ATRNL1: variants seen among roughly 807,000 people sequenced by gnomAD.
The protein encoded by ATRNL1 is attractin-like protein 1.
ATRNL1 carries 95 observed loss-of-function variants against 182.7 expected under a neutral mutation model. The ratio of observed to expected loss-of-function variants is 0.52; its 90% CI spans 0.44 to 0.62. The LOEUF (loss-of-function observed/expected upper bound fraction) is 0.62. Ranked by LOEUF, ATRNL1 falls within the 20% of genes least tolerant of loss-of-function variation. ATRNL1 has a pLI of 0.00. For missense variants in ATRNL1, 1,471 were observed against 1,679.5 expected (o/e 0.88, Z 2.17); for synonymous variants, 576 against 568.3 (o/e 1.01, Z -0.19).
chr10:115,850,613 T>A (rs544571075), intron 28 of ATRNL1, among the ~76,000 whole-genome samples: 6 of 152,316 alleles, frequency 3.9e-5, no homozygotes, highest in African/African-American at 1.2e-4. Context: ...AAAGTCCTTA[T>A]ATATGCCTGT....
At chr10:115,376,855 T>C (rs1857701631) in intron 19 of ATRNL1, among the ~76,000 whole-genome samples, 1 of 152,200 alleles carries the variant, frequency 6.6e-6, no homozygotes, top group African/African-American at 2.4e-5. Flanking sequence ...CATATGTTTT[T>C]ATGTTTGATG....
At chr10:115,475,018 C>T (rs920633934) in intron 24 of ATRNL1, among the ~76,000 whole-genome samples, 1 of 151,274 alleles carries the variant, frequency 6.6e-6, no homozygotes, top group Non-Finnish European at 1.5e-5. Context: ...AACAACACCA[C>T]CAAAATCACT....
At chr10:115,403,882 G>A (rs1844699912) in intron 20 of ATRNL1, among the ~76,000 whole-genome samples, 1 of 152,174 alleles carries the variant, frequency 6.6e-6, no homozygotes, top group South Asian at 2.1e-4. Context: ...AGATACTTGA[G>A]GAACTCTTAT....
intron 26 of ATRNL1, among the ~76,000 whole-genome samples, chr10:115,665,158 G>C (rs1860928873): frequency 6.6e-6 from 1 of 152,102 alleles, no homozygotes; most frequent in Non-Finnish European, 1.5e-5. Flanking sequence ...TAAAATAAAA[G>C]TAATCAAGAA....
chr10:115,145,936 A>G (rs1443304864), intron 5 of ATRNL1, among the ~76,000 whole-genome samples: 2 of 152,062 alleles, frequency 1.3e-5, no homozygotes, highest in African/African-American at 2.4e-5. Context: ...GAATTTCTAC[A>G]TATTTTTTCA....
intron 2 of ATRNL1, 25 bp downstream of exon 2, chr10:115,120,293 T>C: frequency 8.5e-7 from 1 of 1,174,614 alleles, no homozygotes; most frequent in Non-Finnish European, 1.2e-6. Context: ...TGAGTCAAAT[T>C]AATGTATTTT....
At chr10:115,825,851 A>G (rs1357853856) in intron 27 of ATRNL1, among the ~76,000 whole-genome samples, 4 of 152,154 alleles carry the variant, frequency 2.6e-5, no homozygotes, top group Non-Finnish European at 4.4e-5. Flanking sequence ...TAGCCTATGT[A>G]TCGTTGCATT....
chr10:115,293,414 C>G (rs1592393258), intron 15 of ATRNL1, among the ~76,000 whole-genome samples: 1 of 152,044 alleles, frequency 6.6e-6, no homozygotes, highest in African/African-American at 2.4e-5. Context: ...GGTTTTCATA[C>G]ATCTTTTCTT....
chr10:115,759,574 G>A (rs529846979), intron 27 of ATRNL1, among the ~76,000 whole-genome samples: 1 of 13,488 alleles, frequency 7.4e-5, no homozygotes, highest in Non-Finnish European at 7.9e-3. Context: ...GTAGAGCAAA[G>A]TTTTAATTAG....
intron 20 of ATRNL1, among the ~76,000 whole-genome samples, chr10:115,419,340 C>T (rs1487364952): frequency 1.3e-5 from 2 of 151,966 alleles, no homozygotes; most frequent in African/African-American, 4.8e-5. Flanking sequence ...CACATAACCA[C>T]AAAGGAAGCC....
chr10:115,250,650 C>G (rs1284381535), intron 10 of ATRNL1, among the ~76,000 whole-genome samples: 2 of 152,150 alleles, frequency 1.3e-5, no homozygotes, highest in Non-Finnish European at 2.9e-5. Flanking sequence ...TTGCTTTCTT[C>G]TTTGTAATGG....
intron 26 of ATRNL1, among the ~76,000 whole-genome samples, chr10:115,633,469 A>G (rs556675393): frequency 5.9e-5 from 9 of 152,316 alleles, no homozygotes; most frequent in African/African-American, 1.2e-4. Context: ...ATTTTCTTCT[A>G]TAAGAATTTA....
intron 5 of ATRNL1, among the ~76,000 whole-genome samples, chr10:115,138,358 C>A (rs1592152914): frequency 6.6e-6 from 1 of 152,358 alleles, no homozygotes; most frequent in East Asian, 1.9e-4. Context: ...GGGGGTCCAA[C>A]CCTACGTTTC....
chr10:115,356,199 A>G (rs1282543332), intron 19 of ATRNL1, among the ~76,000 whole-genome samples: 2 of 152,082 alleles, frequency 1.3e-5, no homozygotes, highest in Non-Finnish European at 2.9e-5. Context: ...AGAAGCAGAA[A>G]ATTTATTACC....
At chr10:115,915,345 C>T (rs988019877) in intron 28 of ATRNL1, among the ~76,000 whole-genome samples, 13 of 151,502 alleles carry the variant, frequency 8.6e-5, no homozygotes, top group Admixed American at 2.0e-4. Flanking sequence ...TTGCAGTGAG[C>T]GGAGATCGCG....
intron 26 of ATRNL1, among the ~76,000 whole-genome samples, chr10:115,689,631 G>A: frequency 6.6e-6 from 1 of 152,102 alleles, no homozygotes; most frequent in East Asian, 1.9e-4. Context: ...CCTCTAGGTG[G>A]CTGCTTGCTT....
At chr10:115,452,363 CTT>C (rs1289634568) in intron 21 of ATRNL1, among the ~76,000 whole-genome samples, 4 of 151,978 alleles carry the variant, frequency 2.6e-5, no homozygotes, top group Admixed American at 6.6e-5. Flanking sequence ...CAGATGCTCT[CTT>C]GTATTTTTGA....
intron 27 of ATRNL1, among the ~76,000 whole-genome samples, chr10:115,787,920 T>C (rs1362017519): frequency 6.6e-6 from 1 of 152,206 alleles, no homozygotes; most frequent in African/African-American, 2.4e-5. Flanking sequence ...GGCAATATGA[T>C]AGTAGATGCA....
At chr10:115,545,260 A>C (rs1852588381) in intron 25 of ATRNL1, among the ~76,000 whole-genome samples, 1 of 150,858 alleles carries the variant, frequency 6.6e-6, no homozygotes, top group Non-Finnish European at 1.5e-5. Context: ...AAAAAAAAGA[A>C]AAATCATTTA....
Sources: gnomAD v4.1 joint callset for allele counts (sites outside exome capture counted in the v4.1 genomes callset) on GRCh38, gnomAD v4.1.1 for gene constraint, MANE v1.5 for transcripts, NCBI Gene and HGNC (gene_info 2026-07-23, HGNC 2026-07-21) for gene names.